NAV2: variants seen among roughly 807,000 people sequenced by gnomAD.
The protein encoded by NAV2 is neuron navigator 2.
In NAV2, 54 loss-of-function variants were observed where a neutral mutation model predicts 223.2. That is an observed-to-expected ratio of 0.24 (90% CI 0.19 to 0.30). The LOEUF (loss-of-function observed/expected upper bound fraction) is 0.30. Ranked by LOEUF, NAV2 falls within the 10% of genes least tolerant of loss-of-function variation. The pLI is 1.00. For missense variants in NAV2, 2,806 were observed against 3,147.5 expected (o/e 0.89, Z 2.60); for synonymous variants, 1,279 against 1,239.3 (o/e 1.03, Z -0.67).
Position 20,097,808 on chromosome 11 carries a change from G to A in NAV2, c.6181+63G>A, listed in dbSNP as rs776273499. On this transcript the variant is annotated intron_variant, in intron 31 of 37. Transcript: ENST00000349880. The stretch of plus-strand genomic sequence containing the variant: ...ATTGCAGTGTTTGTTTTGTGACTTG[G>A]CATAGGCACTTGTGGCCCCAGTTTT... 353 of 1,437,700 alleles carry A rather than the reference G, an allele frequency of 2.5e-4. 6 individuals are homozygous for A. In the Middle Eastern group the frequency reaches 2.6e-3, roughly 11 times the overall value. 89.1% of individuals were successfully genotyped at this position (1,437,700 alleles called of 1,614,324 possible).
chr11:19,352,500 C>A (rs1412888775), intron 1 of NAV2, among the ~76,000 whole-genome samples: 1 of 152,206 alleles, frequency 6.6e-6, no homozygotes, highest in Non-Finnish European at 1.5e-5. Context: ...GTTGGGTCCA[C>A]ATGTACTATG....
At chr11:19,450,585 A>G (rs1851756856) in intron 1 of NAV2, among the ~76,000 whole-genome samples, 1 of 152,228 alleles carries the variant, frequency 6.6e-6, no homozygotes, top group South Asian at 2.1e-4. Flanking sequence ...CCCAGCTGAC[A>G]AAAATGTCCT....
At chr11:19,568,074 G>A (rs958007254) in intron 1 of NAV2, among the ~76,000 whole-genome samples, 1 of 152,224 alleles carries the variant, frequency 6.6e-6, no homozygotes, top group Non-Finnish European at 1.5e-5. Flanking sequence ...GTAGGTGCTC[G>A]GTAAATGTTG....
At position 20,105,607 on chromosome 11, in the gene NAV2, A is replaced by G. The variant is rs373238965; in HGVS notation, c.6721A>G (p.Thr2241Ala). 15 of 1,614,014 alleles carry G rather than the reference A, an allele frequency of 9.3e-6. No homozygotes were observed. The African/African-American group carries it at 1.9e-4, about 20-fold the overall frequency. The change falls in exon 35 of 38, where the codon ACA becomes GCA. Residue 2241 changes from threonine (T) to alanine (A), a missense_variant. By Grantham distance (58) the Thr-to-Ala change is moderately conservative (BLOSUM62 0). Transcript: ENST00000349880. ...GRFLRRKLME[T>A]EISGRVRNME... ...ATTCCTGAGGAGGAAGCTCATGGAA[A>G]CAGAGATCAGTGGGCGGGTGCGCAA...
At chr11:19,941,791 C>CT (rs1228631184) in intron 8 of NAV2, among the ~76,000 whole-genome samples, 3 of 152,170 alleles carry the variant, frequency 2.0e-5, no homozygotes, top group Admixed American at 6.5e-5. Flanking sequence ...CAGCCCTTTA[C>CT]TTTTTTGCTG....
rs183080289 is a variant in NAV2 at position 19,930,876 on chromosome 11, G to T, written c.932-2300G>T. On this transcript the variant is annotated intron_variant, in intron 6 of 37. Coordinates refer to ENST00000349880, the MANE Select transcript of NAV2 (RefSeq NM_145117.5). ...TAGGCTGCTGTATTTCAAATGGCAG[G>T]GTTGGTTTGTACTCCACCATGGATG... Among the ~76,000 whole-genome samples, 361 of 152,222 alleles carry T rather than the reference G, an allele frequency of 2.4e-3. 1 individual carries two copies. Among genetic ancestry groups the T allele is most frequent in the African/African-American group, 8.3e-3 (344 of 41,544 alleles).
chr11:19,534,218 G>A (rs867375401), intron 1 of NAV2, among the ~76,000 whole-genome samples: 10 of 152,076 alleles, frequency 6.6e-5, no homozygotes, highest in Admixed American at 2.0e-4. Flanking sequence ...TGGTAGCATC[G>A]TGTTTATTTG....
At chr11:19,868,334 C>T (rs1281827035) in intron 3 of NAV2, among the ~76,000 whole-genome samples, 2 of 152,184 alleles carry the variant, frequency 1.3e-5, no homozygotes, top group African/African-American at 2.4e-5. Flanking sequence ...TTGCCCTTGG[C>T]TGTGGTGTCA....
intron 11 of NAV2, among the ~76,000 whole-genome samples, chr11:20,020,439 G>C (rs1252711566): frequency 6.6e-6 from 1 of 152,234 alleles, no homozygotes; most frequent in Admixed American, 6.5e-5. Context: ...AAGGGCATCT[G>C]CCCTCATGGA....
chr11:20,041,315 C>T (rs1811642774), intron 12 of NAV2, among the ~76,000 whole-genome samples: 1 of 152,138 alleles, frequency 6.6e-6, no homozygotes, highest in Non-Finnish European at 1.5e-5. Flanking sequence ...GGGAAATTTT[C>T]TTTTCACTGT....
chr11:19,460,223 T>G (rs1217425039), intron 1 of NAV2, among the ~76,000 whole-genome samples: 1 of 152,220 alleles, frequency 6.6e-6, no homozygotes, highest in Non-Finnish European at 1.5e-5. Context: ...GGGACCTGAT[T>G]CCACTGAAGA....
At chr11:19,778,814 G>A (rs1350417058) in intron 1 of NAV2, among the ~76,000 whole-genome samples, 1 of 152,156 alleles carries the variant, frequency 6.6e-6, no homozygotes, top group African/African-American at 2.4e-5. Flanking sequence ...AACCAGACTG[G>A]TGTGGAAGAG....
intron 10 of NAV2, among the ~76,000 whole-genome samples, chr11:19,977,893 C>T (rs1185079123): frequency 6.6e-6 from 1 of 151,236 alleles, no homozygotes; most frequent in Non-Finnish European, 1.5e-5. Flanking sequence ...CAACCTCTGC[C>T]TCCCGGGTTC....
intron 1 of NAV2, among the ~76,000 whole-genome samples, chr11:19,718,861 A>T (rs910479244): frequency 1.3e-5 from 2 of 152,174 alleles, no homozygotes; most frequent in African/African-American, 2.4e-5. Context: ...CACACAGATA[A>T]CACAAATATA....
chr11:19,731,870 G>A (rs1355322563), intron 1 of NAV2, among the ~76,000 whole-genome samples: 1 of 152,244 alleles, frequency 6.6e-6, no homozygotes, highest in Non-Finnish European at 1.5e-5. Flanking sequence ...GTGTTTGTGT[G>A]TATGTGTGAA....
intron 11 of NAV2, among the ~76,000 whole-genome samples, chr11:20,019,934 C>T (rs925289035): frequency 2.0e-5 from 3 of 148,666 alleles, no homozygotes; most frequent in Non-Finnish European, 3.0e-5. Context: ...TGAAGGATCA[C>T]GGAACATGAG....
At chr11:19,939,981 T>G (rs2046268553) in intron 8 of NAV2, among the ~76,000 whole-genome samples, 1 of 151,970 alleles carries the variant, frequency 6.6e-6, no homozygotes, top group Non-Finnish European at 1.5e-5. Flanking sequence ...GTTTCTTCCC[T>G]CCTCCCCAGA....
intron 3 of NAV2, among the ~76,000 whole-genome samples, chr11:19,845,252 G>C (rs2060733199): frequency 1.3e-5 from 2 of 152,238 alleles, no homozygotes; most frequent in Non-Finnish European, 2.9e-5. Flanking sequence ...ACCATTTCTA[G>C]ATTGCTAGGT....
chr11:19,954,913 ATG>A (rs367805619), intron 10 of NAV2, among the ~76,000 whole-genome samples: 5 of 87,204 alleles, frequency 5.7e-5, no homozygotes, highest in African/African-American at 1.2e-4. Flanking sequence ...ATGTGTATAT[ATG>A]TGTGTGTGTG....
Sources: gnomAD v4.1 joint callset for allele counts (sites outside exome capture counted in the v4.1 genomes callset) on GRCh38, gnomAD v4.1.1 for gene constraint, MANE v1.5 for transcripts, NCBI Gene and HGNC (gene_info 2026-07-23, HGNC 2026-07-21) for gene names.